The following TTC33 variants were observed in gnomAD, a reference collection of about 807,000 sequenced individuals.
TTC33 encodes tetratricopeptide repeat protein 33.
A neutral mutation model predicts 29.4 loss-of-function variants in TTC33; 24 were observed. The ratio of observed to expected loss-of-function variants is 0.82; its 90% CI spans 0.59 to 1.15. TTC33 has a LOEUF of 1.15. Among genes scored for constraint, TTC33 ranks in the 50% most tolerant of loss-of-function variants. The pLI is 0.00. For missense variants in TTC33, 286 were observed against 310.4 expected, an observed-to-expected ratio of 0.92 and a Z score of 0.59; for synonymous variants, 107 against 100.3, an observed-to-expected ratio of 1.07 and a Z score of -0.40.
chr5:40,739,026 T>C (rs939693948), intron 2 of TTC33, among the ~76,000 whole-genome samples: 2 of 152,226 alleles, frequency 1.3e-5, no homozygotes, highest in Admixed American at 1.3e-4. Context: ...TTAAGCCTTT[T>C]AAAAACCAGA....
intron 3 of TTC33, among the ~76,000 whole-genome samples, chr5:40,729,456 T>C (rs1374388030): frequency 6.6e-6 from 1 of 152,222 alleles, no homozygotes; most frequent in Non-Finnish European, 1.5e-5. Flanking sequence ...CAGACTTTCC[T>C]ACAAAATATT....
intron 4 of TTC33, among the ~76,000 whole-genome samples, chr5:40,719,034 T>C (rs1254506594): frequency 6.6e-6 from 1 of 152,220 alleles, no homozygotes; most frequent in East Asian, 1.9e-4. Flanking sequence ...ATAAAGCTAA[T>C]GCCTTAGGAA....
chr5:40,738,544 A>C lies in TTC33; in HGVS notation c.222-8201T>G, dbSNP rs200408856. Among the ~76,000 whole-genome samples the C allele has an allele frequency of 2.9e-4, 35 of 122,000 alleles. No individual in the cohort carries two copies. In the East Asian group the frequency reaches 5.6e-3, roughly 20 times the overall value. The allele number at this position is 122,000 out of a possible 152,430, so 80.0% of individuals were successfully genotyped here. ...AAATAAAATACAATAAAATACAATA[A>C]AATAAAATAAAATAAAATAAAATAT... On this transcript the variant is annotated intron_variant, in intron 2 of 4. Coordinates refer to ENST00000337702, the MANE Select transcript of TTC33 (RefSeq NM_012382.3).
chr5:40,717,303 T>C (rs538866876), intron 4 of TTC33, among the ~76,000 whole-genome samples: 9 of 151,526 alleles, frequency 5.9e-5, no homozygotes, highest in Admixed American at 3.3e-4. Flanking sequence ...GTAGGTATGG[T>C]TATTGTTTTC....
intron 2 of TTC33, among the ~76,000 whole-genome samples, chr5:40,735,905 T>C (rs1184483557): frequency 6.6e-6 from 1 of 152,184 alleles, no homozygotes; most frequent in African/African-American, 2.4e-5. Flanking sequence ...GACAGAAATA[T>C]GACTGGATGG....
At chr5:40,731,986 T>C (rs1316447667) in intron 2 of TTC33, among the ~76,000 whole-genome samples, 1 of 152,224 alleles carries the variant, frequency 6.6e-6, no homozygotes, top group Non-Finnish European at 1.5e-5. Flanking sequence ...ATTCACTTAC[T>C]ACTCAAAGTA....
rs193098362 is a variant in TTC33 at position 40,715,422 on chromosome 5, A to G, written c.*723T>C. 2 of 152,416 alleles carry G rather than the reference A, an allele frequency of 1.3e-5. No homozygotes were observed. Among genetic ancestry groups the G allele is most frequent in the Non-Finnish European group, 2.9e-5 (2 of 67,966 alleles). The allele number at this position is 152,416 out of a possible 1,614,324, so 9.4% of individuals were successfully genotyped here. On this transcript the variant is annotated 3_prime_UTR_variant, in exon 5 of 5. Transcript: ENST00000337702. ...ATTTTAAAAATGACTCATTTGTGGT[A>G]AGGATTACTTACTGTAACAATTAAA...
chr5:40,730,394 G>A, intron 2 of TTC33, 51 bp from the exon 3 acceptor site: 2 of 1,503,678 alleles, frequency 1.3e-6, no homozygotes, highest in Non-Finnish European at 9.1e-7. Flanking sequence ...TGCTTTTTTG[G>A]ACTTTCAAAA....
At chr5:40,716,586 T>C in intron 4 of TTC33, 88 bp from the exon 5 acceptor site, 1 of 794,188 alleles carries the variant, frequency 1.3e-6, no homozygotes, top group Non-Finnish European at 2.0e-6. Context: ...ATATATACTG[T>C]ACACATACAC....
At chr5:40,726,143 TTA>T (rs1249112154) in intron 4 of TTC33, among the ~76,000 whole-genome samples, 13 of 78,872 alleles carry the variant, frequency 1.6e-4, no homozygotes, top group African/African-American at 2.5e-4. Flanking sequence ...ATAAAGTCTT[TTA>T]TATATATATA....
chr5:40,713,514 C>T lies in TTC33; in HGVS notation c.*2631G>A, dbSNP rs1334533455. 6.6e-6 allele frequency among the ~76,000 whole-genome samples: 1 copy of T among 152,102 alleles called. No individual in the cohort carries two copies. Among genetic ancestry groups the T allele is most frequent in the Non-Finnish European group, 1.5e-5 (1 of 67,996 alleles). ...TAGGCCCCAGTTGCAGTAGATCTGG[C>T]TCCTGTGAGCTATAACTTGCATGGC... On this transcript the variant is annotated 3_prime_UTR_variant, in exon 5 of 5. Coordinates refer to ENST00000337702, the MANE Select transcript of TTC33 (RefSeq NM_012382.3).
At chr5:40,750,707 A>C (rs1742879519) in intron 1 of TTC33, among the ~76,000 whole-genome samples, 1 of 152,188 alleles carries the variant, frequency 6.6e-6, no homozygotes, top group Non-Finnish European at 1.5e-5. Flanking sequence ...GATACTGTCA[A>C]ACTCTGCCAC....
intron 4 of TTC33, among the ~76,000 whole-genome samples, chr5:40,727,337 T>C (rs1742310689): frequency 6.6e-6 from 1 of 152,182 alleles, no homozygotes; most frequent in African/African-American, 2.4e-5. Context: ...GTATATTAGA[T>C]TTGCAAACAC....
intron 3 of TTC33, among the ~76,000 whole-genome samples, chr5:40,728,677 G>A (rs142858700): frequency 2.0e-5 from 3 of 152,110 alleles, no homozygotes; most frequent in East Asian, 3.9e-4. Context: ...AAATGTAAAC[G>A]ATTCCCTTTC....
At chr5:40,739,242 G>C (rs1742641043) in intron 2 of TTC33, among the ~76,000 whole-genome samples, 1 of 152,102 alleles carries the variant, frequency 6.6e-6, no homozygotes, top group Admixed American at 6.5e-5. Flanking sequence ...TAGATTCTTT[G>C]CATTTCCACA....
intron 4 of TTC33, among the ~76,000 whole-genome samples, chr5:40,718,173 T>C (rs1742046538): frequency 6.6e-6 from 1 of 150,636 alleles, no homozygotes; most frequent in Non-Finnish European, 1.5e-5. Context: ...ATCCAACTCT[T>C]TGGGAGGCCG....
chr5:40,722,841 G>GCTGCCCCGT (rs1742178741), intron 4 of TTC33, among the ~76,000 whole-genome samples: 1 of 151,292 alleles, frequency 6.6e-6, no homozygotes, highest in Admixed American at 6.6e-5. Context: ...CACCCGGCCA[G>GCTGCCCCGT]CTGCCCCGTC....
In TTC33 at chr5:40,714,805, T is replaced by G. The variant is rs1444604490; in HGVS notation, c.*1340A>C. 2 of 152,280 alleles carry G rather than the reference T, an allele frequency of 1.3e-5. No individual in the cohort carries two copies. The highest frequency in any genetic ancestry group is 1.3e-4 in the Admixed American group (2 of 15,266). 9.4% of individuals were successfully genotyped at this position (152,280 alleles called of 1,614,324 possible). On this transcript the variant is annotated 3_prime_UTR_variant, in exon 5 of 5. Coordinates refer to ENST00000337702, the MANE Select transcript of TTC33 (RefSeq NM_012382.3). ...TTCATAAAAAATGTAGATCATTACT[T>G]ATAAGCTCCAACAGTAGTAAGATCT...
intron 4 of TTC33, among the ~76,000 whole-genome samples, chr5:40,722,330 C>G (rs1489865582): frequency 6.6e-6 from 1 of 152,168 alleles, no homozygotes; most frequent in African/African-American, 2.4e-5. Flanking sequence ...GCCGCCACCC[C>G]GTCTAGGAAG....
Sources: gnomAD v4.1 joint callset for allele counts (sites outside exome capture counted in the v4.1 genomes callset) on GRCh38, gnomAD v4.1.1 for gene constraint, MANE v1.5 for transcripts, NCBI Gene and HGNC (gene_info 2026-07-23, HGNC 2026-07-21) for gene names.